Variants in SEC31A observed in about 807,000 individuals in gnomAD.
The protein encoded by SEC31A is SEC31 homolog A, COPII component, also known as protein transport protein Sec31A.
In SEC31A, 70 loss-of-function variants were observed where a neutral mutation model predicts 151.0. That is an observed-to-expected ratio of 0.46 (90% CI 0.38 to 0.57). SEC31A has a LOEUF of 0.57. Ranked by LOEUF, SEC31A falls within the 20% of genes least tolerant of loss-of-function variation. The probability of loss-of-function intolerance (pLI) is 0.00; values close to 1 mark genes in which losing one functional copy is unlikely to be tolerated. For synonymous variants in SEC31A, 475 were observed against 505.9 expected, an observed-to-expected ratio of 0.94 and a Z score of 0.82; for missense variants, 1,330 against 1,471.2, an observed-to-expected ratio of 0.90 and a Z score of 1.57.
chr4:82,838,794 G>C (rs546705980), intron 22 of SEC31A, among the ~76,000 whole-genome samples: 9 of 152,224 alleles, frequency 5.9e-5, no homozygotes, highest in African/African-American at 2.2e-4. Flanking sequence ...AGAATTTACC[G>C]AATGAATGTT....
intron 17 of SEC31A, among the ~76,000 whole-genome samples, chr4:82,853,938 C>T (rs1215738194): frequency 6.6e-6 from 1 of 152,122 alleles, no homozygotes; most frequent in Non-Finnish European, 1.5e-5. Flanking sequence ...TATTATCTAA[C>T]TGTACAACTA....
rs550434779 is a variant in SEC31A at position 82,860,650 on chromosome 4, T to TA, written c.1626+980_1626+981insT. 7.6e-4 allele frequency among the ~76,000 whole-genome samples: 115 copies of TA among 151,882 alleles called. No homozygotes were observed. In the East Asian group the frequency reaches 8.9e-3, roughly 12 times the overall value. Reference sequence around the variant, plus strand: ...ACCACGCCTGGCTAATTTTTTATTTTTTTTTTTAGAGATAGGGTCTCACTA... The same window carrying TA: ...ACCACGCCTGGCTAATTTTTTATTTTATTTTTTTAGAGATAGGGTCTCACTA... On this transcript the variant is annotated intron_variant, in intron 14 of 26. Transcript: ENST00000395310.
intron 16 of SEC31A, among the ~76,000 whole-genome samples, chr4:82,855,704 C>T (rs981498269): frequency 3.9e-5 from 6 of 152,094 alleles, no homozygotes; most frequent in African/African-American, 1.4e-4. Context: ...AAACCAAATA[C>T]CGCATGTTCT....
intron 3 of SEC31A, chr4:82,897,673 A>C (rs1224762271): frequency 2.6e-5 from 4 of 152,144 alleles, no homozygotes; most frequent in African/African-American, 9.7e-5. Flanking sequence ...TGGAAGACAG[A>C]GGTTGCAATA....
At chr4:82,825,810 T>C (rs540910151) in intron 24 of SEC31A, among the ~76,000 whole-genome samples, 210 of 152,226 alleles carry the variant, frequency 1.4e-3, no homozygotes, top group African/African-American at 4.8e-3. Flanking sequence ...TGGACTACAG[T>C]AGAAATGTGG....
At position 82,871,463 on chromosome 4, in the gene SEC31A, CAT is replaced by C. The variant is rs1560648464; in HGVS notation, c.782+479_782+480del. The C allele has an allele frequency of 7.8e-6, 10 of 1,287,924 alleles. No homozygotes were observed. The East Asian group carries it at 1.8e-4, about 23-fold the overall frequency. The allele number at this position is 1,287,924 out of a possible 1,614,324, so 79.8% of individuals were successfully genotyped here. A position where few individuals can be genotyped will look rare whatever the true frequency, so the allele number is the denominator to read the frequency against. The stretch of plus-strand genomic sequence containing the variant: ...CAATGGATAACAAAACCAATTTTAC[CAT>C]AGACTAACTGATAACTGACATAAAC... On this transcript the variant is annotated intron_variant, in intron 7 of 26. Coordinates refer to ENST00000395310, the MANE Select transcript of SEC31A (RefSeq NM_001077207.4).
intron 19 of SEC31A, among the ~76,000 whole-genome samples, 181 bp from the exon 20 acceptor site, chr4:82,849,158 C>A (rs1263962579): frequency 6.6e-6 from 1 of 152,136 alleles, no homozygotes; most frequent in Non-Finnish European, 1.5e-5. Context: ...AAGACTGGCA[C>A]CAAAGGTCCA....
At chr4:82,845,213 G>C in intron 20 of SEC31A, 1 of 1,531,102 alleles carries the variant, frequency 6.5e-7, no homozygotes. Flanking sequence ...GTGTGTCAGA[G>C]GGAGAGGCTG....
Position 82,881,914 on chromosome 4 carries a change from C to G in SEC31A, c.23G>C (p.Arg8Pro). ...AGGGCTCCATGCCTGCATGGCTGTA[C>G]GATCTACTTCCTTTAACTTCATCCT... MKLKEVD[R>P]TAMQAWSPAQ... The change falls in exon 2 of 27, where the codon CGT becomes CCT. Residue 8 changes from arginine to proline, a missense_variant. Transcript: ENST00000395310. 1 of 1,614,044 alleles carries G rather than the reference C, an allele frequency of 6.2e-7. No individual in the cohort carries two copies. Among genetic ancestry groups the G allele is most frequent in the South Asian group, 1.1e-5 (1 of 91,078 alleles).
intron 10 of SEC31A, among the ~76,000 whole-genome samples, chr4:82,866,553 A>T (rs1473242187): frequency 1.3e-5 from 2 of 152,180 alleles, no homozygotes; most frequent in Non-Finnish European, 2.9e-5. Flanking sequence ...AATGTACTTA[A>T]TGCCATTGAA....
chr4:82,848,739 T>C, intron 20 of SEC31A, 65 bp downstream of exon 20: 1 of 1,453,356 alleles, frequency 6.9e-7, no homozygotes, highest in Non-Finnish European at 9.3e-7. Flanking sequence ...GCTGAACAAA[T>C]GAAAACCACC....
intron 3 of SEC31A, among the ~76,000 whole-genome samples, chr4:82,896,586 C>G (rs1163984808): frequency 6.6e-6 from 1 of 151,960 alleles, no homozygotes; most frequent in Non-Finnish European, 1.5e-5. Flanking sequence ...GGCAAAACCC[C>G]TTCTCTACCA....
intron 22 of SEC31A, among the ~76,000 whole-genome samples, chr4:82,835,497 A>G (rs1244438841): frequency 1.3e-5 from 2 of 152,296 alleles, no homozygotes; most frequent in Non-Finnish European, 2.9e-5. Context: ...TCATGGTGTA[A>G]TATTAAGAAA....
At chr4:82,828,302 T>C (rs904097677) in intron 23 of SEC31A, among the ~76,000 whole-genome samples, 1 of 152,218 alleles carries the variant, frequency 6.6e-6, no homozygotes, top group Non-Finnish European at 1.5e-5. Context: ...GTGTTTAATA[T>C]GATCAGAATG....
intron 20 of SEC31A, among the ~76,000 whole-genome samples, chr4:82,847,007 G>A (rs1186883014): frequency 1.3e-5 from 2 of 152,180 alleles, no homozygotes; most frequent in Non-Finnish European, 2.9e-5. Flanking sequence ...GAGCCACCGC[G>A]CCTGGCCTGC....
chr4:82,878,542 T>A (rs1043763110), intron 4 of SEC31A, among the ~76,000 whole-genome samples, 188 bp downstream of exon 4: 3 of 152,090 alleles, frequency 2.0e-5, no homozygotes, highest in African/African-American at 7.2e-5. Flanking sequence ...CCGGATCCTT[T>A]TCATGGAGGT....
chr4:82,840,383 G>C (rs1578178006), intron 22 of SEC31A, among the ~76,000 whole-genome samples: 1 of 151,888 alleles, frequency 6.6e-6, no homozygotes, highest in South Asian at 2.1e-4. Flanking sequence ...AGTCACCCAA[G>C]TTTTAAAAGG....
intron 10 of SEC31A, among the ~76,000 whole-genome samples, chr4:82,866,049 G>A (rs923231152): frequency 6.7e-6 from 1 of 149,732 alleles, no homozygotes; most frequent in South Asian, 2.1e-4. Context: ...TGAAGAAGAG[G>A]GAGGACACTC....
intron 22 of SEC31A, among the ~76,000 whole-genome samples, chr4:82,840,188 TAAGAC>T (rs1728413821): frequency 1.3e-5 from 2 of 152,340 alleles, no homozygotes; most frequent in Admixed American, 6.5e-5. Context: ...CTCAAGGTTG[TAAGAC>T]TTAAATAAGA....
Sources: gnomAD v4.1 joint callset for allele counts (sites outside exome capture counted in the v4.1 genomes callset) on GRCh38, gnomAD v4.1.1 for gene constraint, MANE v1.5 for transcripts, NCBI Gene and HGNC (gene_info 2026-07-23, HGNC 2026-07-21) for gene names.